Variants in SLCO5A1 observed in about 807,000 individuals in gnomAD.
SLCO5A1 encodes the protein organic anion transporter polypeptide-related protein 4.
Under a neutral mutation model 65.1 loss-of-function variants are expected in SLCO5A1, and 39 were observed. The ratio of observed to expected loss-of-function variants is 0.60; its 90% CI spans 0.46 to 0.78. The LOEUF (loss-of-function observed/expected upper bound fraction) is 0.78. SLCO5A1 is among the 30% of genes least tolerant of loss of function. SLCO5A1 has a pLI of 0.00. For missense variants in SLCO5A1, 1,029 were observed against 1,069.4 expected (o/e 0.96, Z 0.53); for synonymous variants, 438 against 415.7 (o/e 1.05, Z -0.65).
Position 69,832,324 on chromosome 8 carries a change from C to T in SLCO5A1, c.350G>A (p.Arg117Lys). ...VSSALAMLQE[R>K]RCLYVVLTDS... ...CGTGAGGACCACGTAGAGGCACCTTCTCTCCTGGAGCATGGCCAAGGCGGA... is the reference window on the plus strand; with the variant it reads ...CGTGAGGACCACGTAGAGGCACCTTTTCTCCTGGAGCATGGCCAAGGCGGA... Residue 117 changes from arginine to lysine, a missense_variant, in exon 2 of 10, where the codon AGA (arginine) becomes AAA (lysine). Arg to Lys is a conservative substitution (Grantham distance 26). Coordinates refer to ENST00000260126, the MANE Select transcript of SLCO5A1 (RefSeq NM_030958.3). The surrounding 1 kb of genome is among the most constrained non-coding windows in gnomAD (Gnocchi z 4.5). 2 of 1,614,232 alleles carry T rather than the reference C, an allele frequency of 1.2e-6. No individual in the cohort carries two copies. The highest frequency in any genetic ancestry group is 1.7e-6 in the Non-Finnish European group (2 of 1,180,042).
intron 2 of SLCO5A1, among the ~76,000 whole-genome samples, chr8:69,779,751 A>G (rs985955244): frequency 6.6e-6 from 1 of 152,148 alleles, no homozygotes; most frequent in Non-Finnish European, 1.5e-5. Flanking sequence ...TCCTCTTTTC[A>G]TTTAAGGGCA....
intron 5 of SLCO5A1, among the ~76,000 whole-genome samples, chr8:69,720,393 G>A (rs1294925309): frequency 6.6e-6 from 1 of 152,224 alleles, no homozygotes; most frequent in Non-Finnish European, 1.5e-5. Flanking sequence ...TCTTCACCAG[G>A]ACCAAAGGTA....
At chr8:69,771,682 C>T (rs1818329312) in intron 2 of SLCO5A1, among the ~76,000 whole-genome samples, 1 of 152,180 alleles carries the variant, frequency 6.6e-6, no homozygotes, top group Non-Finnish European at 1.5e-5. Context: ...GCATATCTTG[C>T]CCAGAGGTCT....
At chr8:69,768,723 C>T (rs1160671540) in intron 2 of SLCO5A1, among the ~76,000 whole-genome samples, 1 of 152,170 alleles carries the variant, frequency 6.6e-6, no homozygotes, top group African/African-American at 2.4e-5. Context: ...CACATGACCT[C>T]ATCTCACCTT....
chr8:69,782,282 TA>T (rs889633540), intron 2 of SLCO5A1, among the ~76,000 whole-genome samples: 2 of 151,784 alleles, frequency 1.3e-5, no homozygotes, highest in Non-Finnish European at 2.9e-5. Flanking sequence ...ATAAAAAGGT[TA>T]AAAAAATAGA....
intron 3 of SLCO5A1, among the ~76,000 whole-genome samples, chr8:69,759,231 T>C (rs1217768899): frequency 1.3e-5 from 2 of 152,212 alleles, no homozygotes; most frequent in African/African-American, 2.4e-5. Context: ...CAAATAACTA[T>C]GTCTTTGTTC....
intron 5 of SLCO5A1, among the ~76,000 whole-genome samples, chr8:69,712,258 G>A (rs966626070): frequency 1.3e-5 from 2 of 152,094 alleles, no homozygotes; most frequent in Admixed American, 1.3e-4. Context: ...GACATTAATT[G>A]TCCTACTTTC....
chr8:69,793,063 C>T (rs1387869776), intron 2 of SLCO5A1, among the ~76,000 whole-genome samples: 3 of 151,998 alleles, frequency 2.0e-5, no homozygotes, highest in Non-Finnish European at 4.4e-5. Context: ...CTCACTGCAG[C>T]CTCCGCCTCC....
chr8:69,832,397 C>T lies in SLCO5A1; in HGVS notation c.277G>A (p.Gly93Arg). 1.2e-6 allele frequency: 2 copies of T among 1,612,120 alleles called. No homozygotes were observed. Among genetic ancestry groups the T allele is most frequent in the Non-Finnish European group, 8.5e-7 (1 of 1,179,144 alleles). The change falls in exon 2 of 10, where the codon GGG (glycine) becomes AGG (arginine). Residue 93 changes from glycine (G) to arginine (R), a missense_variant. Coordinates refer to ENST00000260126, the MANE Select transcript of SLCO5A1 (RefSeq NM_030958.3). The surrounding 1 kb of genome is among the most constrained non-coding windows in gnomAD (Gnocchi z 4.5). Reference sequence around the variant, plus strand: ...AGGTCCACCCTGTGGTTACAGTCCCCGAGCCCCGCCGAAGTGGACGGGGCA... The same window carrying T: ...AGGTCCACCCTGTGGTTACAGTCCCTGAGCCCCGCCGAAGTGGACGGGGCA... ...PSAPSTSAGLGDCNHRVDLSK... is the reference protein window; with the variant it reads ...PSAPSTSAGLRDCNHRVDLSK...
chr8:69,791,229 C>T (rs1420698551), intron 2 of SLCO5A1, among the ~76,000 whole-genome samples: 1 of 152,194 alleles, frequency 6.6e-6, no homozygotes, highest in African/African-American at 2.4e-5. Flanking sequence ...TCACCACCCA[C>T]CACCTGGGTG....
Position 69,672,908 on chromosome 8 carries a change from C to T in SLCO5A1, c.2508G>A (p.Gly836=), listed in dbSNP as rs749537576. Residue 836 remains glycine, a synonymous_variant, in exon 10 of 10, where the codon GGG becomes GGA. Coordinates refer to ENST00000260126, the MANE Select transcript of SLCO5A1 (RefSeq NM_030958.3). The part of the protein sequence containing the change: ...PEAISSSADP[G]LEESPAALEP... ...CCAAGGCAGCGGGGCTCTCTTCCAG[C>T]CCCGGGTCCGCAGAGGAACTTATTG... The T allele has an allele frequency of 6.2e-7, 1 of 1,613,758 alleles. No homozygotes were observed. The highest frequency in any genetic ancestry group is 1.1e-5 in the South Asian group (1 of 91,078).
intron 2 of SLCO5A1, among the ~76,000 whole-genome samples, chr8:69,827,446 G>A (rs1820972303): frequency 6.6e-6 from 1 of 152,130 alleles, no homozygotes; most frequent in South Asian, 2.1e-4. Flanking sequence ...AAATGCTGCC[G>A]TATCTCATCT....
rs775569918 is a variant in SLCO5A1, at chr8:69,755,424, C to A, written c.1258G>T (p.Asp420Tyr). Residue 420 changes from aspartate (D) to tyrosine (Y), a missense_variant and splice_region_variant, in exon 4 of 10, where the codon GAC becomes TAC. By Grantham distance (160) the Asp-to-Tyr change is radical. This residue lies in a region of SLCO5A1 where 647 missense variants were observed against 647.5 expected (regional missense o/e 1.00). Transcript: ENST00000260126. ...SSMGFGKDVR[D>Y]LPRAAVRILS... ...TATTTATTCAAGAGGTATACTTTACCTCTGACATCCTTTCCAAATCCCATC... is the reference window on the plus strand; with the variant it reads ...TATTTATTCAAGAGGTATACTTTACATCTGACATCCTTTCCAAATCCCATC... 19 of 1,612,552 alleles carry A rather than the reference C, an allele frequency of 1.2e-5. No homozygotes were observed. The South Asian group carries it at 2.1e-4, about 18-fold the overall frequency.
intron 2 of SLCO5A1, among the ~76,000 whole-genome samples, chr8:69,814,533 G>A (rs1820328746): frequency 6.6e-6 from 1 of 152,120 alleles, no homozygotes; most frequent in Non-Finnish European, 1.5e-5. Context: ...GTGGAGAAAG[G>A]GGAAAACTTG....
chr8:69,832,523 T>A lies in SLCO5A1; in HGVS notation c.151A>T (p.Ser51Cys). 6.2e-7 allele frequency: 1 copy of A among 1,608,398 alleles called. No individual in the cohort carries two copies. Among genetic ancestry groups the A allele is most frequent in the Non-Finnish European group, 8.5e-7 (1 of 1,177,690 alleles). Residue 51 changes from serine (S) to cysteine (C), a missense_variant, in exon 2 of 10, where the codon AGT (serine) becomes TGT (cysteine). By Grantham distance (112) the Ser-to-Cys change is moderately radical (BLOSUM62 -1). This residue lies in a region of SLCO5A1 where 647 missense variants were observed against 647.5 expected (regional missense o/e 1.00). Transcript: ENST00000260126. The surrounding 1 kb of genome is among the most constrained non-coding windows in gnomAD (Gnocchi z 4.5). Reference sequence around the variant, plus strand: ...GGGTTGGCGTCTCCACTAGTGGGACTGAGGCTTGGCCGGCAGGAGGCGCTG... The same window carrying A: ...GGGTTGGCGTCTCCACTAGTGGGACAGAGGCTTGGCCGGCAGGAGGCGCTG... ...LSSASCRPSL[S>C]PTSGDANPAF...
chr8:69,772,283 G>A (rs987420846), intron 2 of SLCO5A1, among the ~76,000 whole-genome samples: 1 of 152,142 alleles, frequency 6.6e-6, no homozygotes, highest in Non-Finnish European at 1.5e-5. Context: ...CACTCTGGGA[G>A]GTCAAGGCAG....
chr8:69,720,268 G>T (rs1815755132), intron 5 of SLCO5A1, among the ~76,000 whole-genome samples: 1 of 152,188 alleles, frequency 6.6e-6, no homozygotes. Flanking sequence ...AGCAAAGGAA[G>T]AAAATACAAT....
chr8:69,686,793 T>C (rs1814021709), intron 6 of SLCO5A1, among the ~76,000 whole-genome samples: 1 of 152,218 alleles, frequency 6.6e-6, no homozygotes, highest in Non-Finnish European at 1.5e-5. Flanking sequence ...CTTATTTCGC[T>C]TTCTTCTTCC....
chr8:69,679,199 T>C (rs1160350798), intron 8 of SLCO5A1, among the ~76,000 whole-genome samples, 179 bp downstream of exon 8: 1 of 152,224 alleles, frequency 6.6e-6, no homozygotes, highest in Non-Finnish European at 1.5e-5. Flanking sequence ...CAACCTTTCT[T>C]TCCCTTCCCA....
Sources: allele counts gnomAD v4.1 joint callset (sites outside exome capture counted in the v4.1 genomes callset), GRCh38; gene constraint gnomAD v4.1.1; regional missense constraint gnomAD v4.1.1; non-coding constraint Gnocchi (gnomAD v3.1); transcripts MANE v1.5; gene names NCBI Gene and HGNC (gene_info 2026-07-23, HGNC 2026-07-21).